The following DENND1A variants were observed in gnomAD, a reference collection of about 807,000 sequenced individuals.
DENND1A encodes DENN domain containing 1A.
A neutral mutation model predicts 113.7 loss-of-function variants in DENND1A; 51 were observed. The observed-to-expected ratio is 0.45, with a 90% CI of 0.36 to 0.57. The LOEUF (loss-of-function observed/expected upper bound fraction) is 0.57, where lower values mean the gene tolerates loss of function less well. DENND1A is among the 20% of genes least tolerant of loss of function. DENND1A has a pLI of 0.00. For missense variants in DENND1A, 1,258 were observed against 1,395.9 expected, an observed-to-expected ratio of 0.90 and a Z score of 1.57; for synonymous variants, 565 against 570.8, an observed-to-expected ratio of 0.99 and a Z score of 0.14.
chr9:123,705,044 C>G (rs1159123091), intron 5 of DENND1A, among the ~76,000 whole-genome samples: 1 of 149,124 alleles, frequency 6.7e-6, no homozygotes, highest in Non-Finnish European at 1.5e-5. Context: ...TCCAGAATTG[C>G]TGAAATCCCA....
chr9:123,554,008 G>A (rs533509728), intron 13 of DENND1A, among the ~76,000 whole-genome samples: 9 of 152,204 alleles, frequency 5.9e-5, no homozygotes, highest in East Asian at 1.9e-4. Flanking sequence ...CACCTCTCTC[G>A]GCTTCCCAAA....
intron 2 of DENND1A, among the ~76,000 whole-genome samples, chr9:123,832,710 GA>G (rs1440643320): frequency 6.6e-6 from 1 of 152,100 alleles, no homozygotes; most frequent in Middle Eastern, 3.2e-3. Flanking sequence ...TGCACACAAG[GA>G]TAATCTCACA....
At chr9:123,620,404 CCAGGCT>C (rs1262396130) in intron 10 of DENND1A, among the ~76,000 whole-genome samples, 11 of 151,950 alleles carry the variant, frequency 7.2e-5, no homozygotes, top group Admixed American at 3.9e-4. Context: ...CTACTTGGTG[CCAGGCT>C]CCTCATGTAC....
At chr9:123,750,826 C>T (rs1406636710) in intron 5 of DENND1A, among the ~76,000 whole-genome samples, 1 of 152,206 alleles carries the variant, frequency 6.6e-6, no homozygotes, top group Non-Finnish European at 1.5e-5. Context: ...CCTCAAACAT[C>T]AGGCTGTGCA....
At chr9:123,614,918 A>C (rs2060578367) in intron 10 of DENND1A, among the ~76,000 whole-genome samples, 1 of 152,276 alleles carries the variant, frequency 6.6e-6, no homozygotes, top group Non-Finnish European at 1.5e-5. Flanking sequence ...AAAAGACACA[A>C]ACGTGTAAAC....
intron 3 of DENND1A, 31 bp downstream of exon 3, chr9:123,792,556 T>A (rs879907192): frequency 1.9e-6 from 3 of 1,609,274 alleles, no homozygotes; most frequent in Non-Finnish European, 1.7e-6. Context: ...ATAAATTTTG[T>A]CATGTAAAAA....
intron 13 of DENND1A, among the ~76,000 whole-genome samples, chr9:123,484,455 G>A (rs977221137): frequency 2.0e-4 from 31 of 152,122 alleles, no homozygotes; most frequent in Admixed American, 1.8e-3. Context: ...CTTTAGCATG[G>A]CTGTCCCTCC....
intron 9 of DENND1A, among the ~76,000 whole-genome samples, chr9:123,642,820 G>T (rs569532105): frequency 6.6e-6 from 1 of 152,230 alleles, no homozygotes. Context: ...AAGCAAACAG[G>T]ATTAGTGTTT....
At chr9:123,888,776 T>A (rs2133730869) in intron 1 of DENND1A, among the ~76,000 whole-genome samples, 1 of 152,326 alleles carries the variant, frequency 6.6e-6, no homozygotes. Context: ...TAAAGGATGT[T>A]ATTGGGACCA....
At chr9:123,926,194 T>C (rs2134222561) in intron 1 of DENND1A, among the ~76,000 whole-genome samples, 1 of 152,352 alleles carries the variant, frequency 6.6e-6, no homozygotes, top group Middle Eastern at 3.4e-3. Context: ...TCCAGGGTGC[T>C]ACCTGCATAC....
At chr9:123,913,792 C>T (rs1854525346) in intron 1 of DENND1A, among the ~76,000 whole-genome samples, 1 of 151,342 alleles carries the variant, frequency 6.6e-6, no homozygotes, top group Admixed American at 6.6e-5. Context: ...GTAATCCCAG[C>T]TACTCGGGAG....
intron 12 of DENND1A, among the ~76,000 whole-genome samples, chr9:123,574,902 T>C (rs1044946177): frequency 2.0e-5 from 3 of 152,216 alleles, no homozygotes; most frequent in Admixed American, 6.5e-5. Context: ...CTCCAGACTT[T>C]ATTGTGATTT....
At position 123,440,395 on chromosome 9, in the gene DENND1A, C is replaced by T; in HGVS notation, c.1453G>A (p.Glu485Lys). 1 of 1,601,030 alleles carries T rather than the reference C, an allele frequency of 6.2e-7. No individual in the cohort carries two copies. The highest frequency in any genetic ancestry group is 8.5e-7 in the Non-Finnish European group (1 of 1,174,856). The change falls in exon 19 of 24, where the codon GAA becomes AAA. Residue 485 changes from glutamate to lysine, a missense_variant. By Grantham distance (56) the Glu-to-Lys change is moderately conservative (BLOSUM62 1). Coordinates refer to ENST00000394215, the MANE Select transcript of DENND1A (RefSeq NM_001352964.2). Reference sequence around the variant, plus strand: ...TGGACTGTGATTGGCCGCCGGTCTTCTCGGAGCTTGGGGTCCTTGGCCTCC... The same window carrying T: ...TGGACTGTGATTGGCCGCCGGTCTTTTCGGAGCTTGGGGTCCTTGGCCTCC... ...LVEAKDPKLR[E>K]DRRPITVHFG...
intron 11 of DENND1A, among the ~76,000 whole-genome samples, chr9:123,586,956 G>A (rs1025226459): frequency 2.0e-5 from 3 of 151,920 alleles, no homozygotes; most frequent in East Asian, 1.9e-4. Context: ...GTCTTATTGC[G>A]GGATCTGGCC....
intron 2 of DENND1A, among the ~76,000 whole-genome samples, chr9:123,864,288 G>A (rs1564410146): frequency 6.6e-6 from 1 of 152,152 alleles, no homozygotes; most frequent in Non-Finnish European, 1.5e-5. Context: ...ATCACTATTA[G>A]TTGCAGAGCC....
At chr9:123,868,853 C>G (rs1846134690) in intron 2 of DENND1A, among the ~76,000 whole-genome samples, 1 of 152,096 alleles carries the variant, frequency 6.6e-6, no homozygotes, top group African/African-American at 2.4e-5. Flanking sequence ...TTGTTACTTC[C>G]TAAGAACAGC....
At chr9:123,887,586 C>T (rs141330045) in intron 1 of DENND1A, among the ~76,000 whole-genome samples, 24 of 151,788 alleles carry the variant, frequency 1.6e-4, no homozygotes, top group Middle Eastern at 3.4e-3. Context: ...TTAGGGCCCC[C>T]GAGAATGGAG....
intron 13 of DENND1A, chr9:123,493,074 C>T (rs1053912691): frequency 6.6e-6 from 1 of 152,360 alleles, no homozygotes; most frequent in Non-Finnish European, 1.5e-5. Context: ...GAGGGTCCTT[C>T]CCAGGAGGGG....
intron 9 of DENND1A, among the ~76,000 whole-genome samples, chr9:123,632,690 G>A (rs1430360426): frequency 6.6e-6 from 1 of 152,112 alleles, no homozygotes; most frequent in Non-Finnish European, 1.5e-5. Context: ...GCAGCCATCT[G>A]TAGCCACACT....
Sources: allele counts gnomAD v4.1 joint callset (sites outside exome capture counted in the v4.1 genomes callset), GRCh38; gene constraint gnomAD v4.1.1; transcripts MANE v1.5; gene names NCBI Gene and HGNC (gene_info 2026-07-23, HGNC 2026-07-21).